Variants in POLI observed in about 807,000 individuals in gnomAD.
POLI encodes the protein RAD30 homolog B.
A neutral mutation model predicts 51.6 loss-of-function variants in POLI; 58 were observed. The ratio of observed to expected loss-of-function variants is 1.12; its 90% CI spans 0.91 to 1.40. The LOEUF is 1.40. Among genes scored for constraint, POLI ranks in the 40% most tolerant of loss-of-function variants. POLI has a pLI of 0.00. For synonymous variants in POLI, 322 were observed against 299.7 expected (o/e 1.07, Z -0.77); for missense variants, 921 against 871.3 (o/e 1.06, Z -0.72).
At chr18:54,269,692 C>T (rs2086914002) in intron 1 of POLI, 31 bp downstream of exon 1, 1 of 1,484,420 alleles carries the variant, frequency 6.7e-7, no homozygotes. Context: ...CCAGCGGCCT[C>T]CTTGGGTGTA....
intron 3 of POLI, among the ~76,000 whole-genome samples, chr18:54,318,228 G>A (rs555825609): frequency 2.6e-5 from 4 of 152,226 alleles, no homozygotes; most frequent in African/African-American, 7.2e-5. Flanking sequence ...TTCTAAGATA[G>A]TAGTAATAAT....
In POLI at chr18:54,294,969, A is replaced by G; in HGVS notation, c.*502A>G. On this transcript the variant is annotated 3_prime_UTR_variant, in exon 10 of 10. Transcript: ENST00000579534. ...TTAGTATGTTGACTTTTAAAATACCAAAGCAATTTATATTCAATTAATGCT... is the reference window on the plus strand; with the variant it reads ...TTAGTATGTTGACTTTTAAAATACCGAAGCAATTTATATTCAATTAATGCT... 1 of 984,708 alleles carries G rather than the reference A, an allele frequency of 1.0e-6. No individual in the cohort carries two copies. Among genetic ancestry groups the G allele is most frequent in the Non-Finnish European group, 1.2e-6 (1 of 829,248 alleles). The allele number at this position is 984,708 out of a possible 1,614,324, so 61.0% of individuals were successfully genotyped here. A position where few individuals can be genotyped will look rare whatever the true frequency, so the allele number is the denominator to read the frequency against.
intron 8 of POLI, chr18:54,291,378 A>G (rs1324346363): frequency 6.5e-6 from 1 of 152,774 alleles, no homozygotes; most frequent in Non-Finnish European, 1.5e-5. Context: ...CCCCTCTGGA[A>G]GTGAAACTGC....
downstream of POLI, among the ~76,000 whole-genome samples, chr18:54,299,959 A>C (rs970454490): frequency 1.1e-4 from 16 of 152,164 alleles, no homozygotes; most frequent in African/African-American, 3.1e-4. Context: ...CCTCAAATAA[A>C]GTAAAGAAGT....
intron 3 of POLI, among the ~76,000 whole-genome samples, chr18:54,311,797 C>T (rs1040271752): frequency 2.0e-5 from 3 of 152,180 alleles, no homozygotes; most frequent in Non-Finnish European, 2.9e-5. Context: ...ATAACTACAT[C>T]AGCATCAATT....
chr18:54,274,106 A>G lies in POLI; in HGVS notation c.406+16A>G. On this transcript the variant is annotated intron_variant, in intron 3 of 9. Transcript: ENST00000579534. ...AAGGTTACAGGTACAAATGATAAGC[A>G]ATGTACTTTTAGCATTAATTTTTAT... 1 of 1,328,304 alleles carries G rather than the reference A, an allele frequency of 7.5e-7. No homozygotes were observed. Among genetic ancestry groups the G allele is most frequent in the Non-Finnish European group, 9.8e-7 (1 of 1,017,832 alleles). 82.3% of individuals were successfully genotyped at this position (1,328,304 alleles called of 1,614,324 possible). A position where few individuals can be genotyped will look rare whatever the true frequency, so the allele number is the denominator to read the frequency against.
At chr18:54,311,631 TC>T (rs1667473400) in intron 3 of POLI, among the ~76,000 whole-genome samples, 1 of 152,218 alleles carries the variant, frequency 6.6e-6, no homozygotes, top group African/African-American at 2.4e-5. Context: ...GTGTTCTACT[TC>T]AATTGTCATC....
intron 3 of POLI, 41 bp downstream of exon 3, chr18:54,274,131 T>C (rs1250557770): frequency 9.6e-7 from 1 of 1,045,782 alleles, no homozygotes; most frequent in East Asian, 2.9e-5. Context: ...TTAATTTTTA[T>C]GTAGGATGCC....
At position 54,269,575 on chromosome 18, in the gene POLI, A is replaced by C. The variant is rs1568111929; in HGVS notation, c.29A>C (p.Glu10Ala). The C allele has an allele frequency of 4.8e-6, 7 of 1,449,446 alleles. No individual in the cohort carries two copies. The highest frequency in any genetic ancestry group is 1.3e-5 in the South Asian group (1 of 78,762). 89.8% of individuals were successfully genotyped at this position (1,449,446 alleles called of 1,614,324 possible). MEKLGVEPE[E>A]EGGGDDDEED... The stretch of plus-strand genomic sequence containing the variant: ...GAGAAGCTGGGGGTGGAGCCGGAGG[A>C]GGAAGGCGGCGGCGACGACGACGAG... Residue 10 changes from glutamate to alanine, a missense_variant, in exon 1 of 10, where the codon GAG becomes GCG. Transcript: ENST00000579534.
intron 8 of POLI, among the ~76,000 whole-genome samples, chr18:54,290,078 A>G (rs2099098259): frequency 1.3e-5 from 2 of 152,236 alleles, no homozygotes; most frequent in South Asian, 2.1e-4. Flanking sequence ...CAATCTACCC[A>G]TCTGACAAAG....
intron 2 of POLI, 85 bp from the exon 3 acceptor site, chr18:54,273,841 T>A: frequency 1.4e-6 from 1 of 727,576 alleles, no homozygotes; most frequent in South Asian, 3.7e-5. Flanking sequence ...GTCTTACAAT[T>A]TAGACAAATG....
intron 4 of POLI, among the ~76,000 whole-genome samples, chr18:54,320,905 C>T (rs557296567): frequency 6.6e-6 from 1 of 151,726 alleles, no homozygotes; most frequent in African/African-American, 2.4e-5. Context: ...TCCCTTTATC[C>T]AGTTTCTCCC....
chr18:54,320,476 T>C (rs2088777610), intron 4 of POLI: 1 of 152,228 alleles, frequency 6.6e-6, no homozygotes, highest in African/African-American at 2.4e-5. Context: ...ACAATATTTT[T>C]CTATGAAGCA....
At position 54,296,391 on chromosome 18, in the gene POLI, A is replaced by G. The variant is rs1489544677; in HGVS notation, c.*1924A>G. ...AGTCTCAACATCTTTGGGCCTCAGA[A>G]TCAACTTTTTTATGGGATCTTTTTT... On this transcript the variant is annotated 3_prime_UTR_variant, in exon 10 of 10. Coordinates refer to ENST00000579534, the MANE Select transcript of POLI (RefSeq NM_007195.3). 2.0e-6 allele frequency: 2 copies of G among 983,312 alleles called. No homozygotes were observed. Among genetic ancestry groups the G allele is most frequent in the Non-Finnish European group, 2.4e-6 (2 of 828,010 alleles). The allele number at this position is 983,312 out of a possible 1,614,324, so 60.9% of individuals were successfully genotyped here. A position where few individuals can be genotyped will look rare whatever the true frequency, so the allele number is the denominator to read the frequency against.
rs2088305067 is a variant in POLI, at chr18:54,295,904, G to A, written c.*1437G>A. ...GGCCTCCCAAAGTGCTGGGATTACA[G>A]GTGTGAGCCATTGCTCCTGGCCCCA... On this transcript the variant is annotated 3_prime_UTR_variant, in exon 10 of 10. Transcript: ENST00000579534. 1.0e-6 allele frequency: 1 copy of A among 964,040 alleles called. No individual in the cohort carries two copies. The highest frequency in any genetic ancestry group is 1.2e-6 in the Non-Finnish European group (1 of 810,466). The allele number at this position is 964,040 out of a possible 1,614,324, so 59.7% of individuals were successfully genotyped here.
Position 54,277,836 on chromosome 18 carries a change from T to G in POLI, c.540T>G (p.Gly180=), listed in dbSNP as rs1599173842. The G allele has an allele frequency of 6.2e-7, 1 of 1,612,332 alleles. No homozygotes were observed. The change falls in exon 4 of 10, where the codon GGT becomes GGG. Residue 180 remains glycine (G), a synonymous_variant. Coordinates refer to ENST00000579534, the MANE Select transcript of POLI (RefSeq NM_007195.3). ...SDELSAVTVS[G]HVYNNQSINL... is the part of the protein sequence containing the mutation. Reference sequence around the variant, plus strand: ...AACTTTCTGCGGTGACTGTGTCGGGTCATGTATACAATAATCAGTGTGAGT... The same window carrying G: ...AACTTTCTGCGGTGACTGTGTCGGGGCATGTATACAATAATCAGTGTGAGT...
intron 5 of POLI, among the ~76,000 whole-genome samples, chr18:54,281,588 C>A (rs1425214226): frequency 6.6e-6 from 1 of 152,066 alleles, no homozygotes; most frequent in African/African-American, 2.4e-5. Context: ...ATGTATTATA[C>A]ACTGCCTTGC....
At chr18:54,274,871 A>G (rs917063358) in intron 3 of POLI, 17 of 152,174 alleles carry the variant, frequency 1.1e-4, no homozygotes, top group Non-Finnish European at 2.4e-4. Context: ...AATGTCTATA[A>G]TATACAAAGA....
chr18:54,294,525 G>T lies in POLI; in HGVS notation c.*58G>T. 1 of 1,501,704 alleles carries T rather than the reference G, an allele frequency of 6.7e-7. No homozygotes were observed. The highest frequency in any genetic ancestry group is 8.8e-7 in the Non-Finnish European group (1 of 1,131,744). The allele number at this position is 1,501,704 out of a possible 1,614,324, so 93.0% of individuals were successfully genotyped here. On this transcript the variant is annotated 3_prime_UTR_variant, in exon 10 of 10. Transcript: ENST00000579534. ...GAATACCATTATTTTCGGATTAGCG[G>T]TTTATTAAGCTCTTCTATATTAAAC...
Sources: allele counts gnomAD v4.1 joint callset (sites outside exome capture counted in the v4.1 genomes callset), GRCh38; gene constraint gnomAD v4.1.1; transcripts MANE v1.5; gene names NCBI Gene and HGNC (gene_info 2026-07-23, HGNC 2026-07-21).